Variants in FSTL4 observed in about 807,000 individuals in gnomAD.
FSTL4 encodes the protein follistatin like 4.
A neutral mutation model predicts 78.2 loss-of-function variants in FSTL4; 28 were observed. The ratio of observed to expected loss-of-function variants is 0.36; its 90% CI spans 0.27 to 0.49. The LOEUF is 0.49. Among genes scored for constraint, FSTL4 ranks in the 20% least tolerant of loss-of-function variants. FSTL4 has a pLI of 0.98. For synonymous variants in FSTL4, 422 were observed against 440.5 expected, an observed-to-expected ratio of 0.96 and a Z score of 0.53; for missense variants, 922 against 1,084.9, an observed-to-expected ratio of 0.85 and a Z score of 2.11.
At chr5:133,230,380 G>A (rs1581549387) in intron 8 of FSTL4, among the ~76,000 whole-genome samples, 1 of 152,152 alleles carries the variant, frequency 6.6e-6, no homozygotes, top group Admixed American at 6.5e-5. Flanking sequence ...GACCAATTCA[G>A]GGCTAATTTT....
At chr5:133,274,423 T>C (rs1752834168) in intron 6 of FSTL4, among the ~76,000 whole-genome samples, 1 of 76,826 alleles carries the variant, frequency 1.3e-5, no homozygotes, top group African/African-American at 5.6e-5. Context: ...AAAAGGAAAA[T>C]TAAATTAGCA....
the FSTL4 span, among the ~76,000 whole-genome samples, chr5:133,735,111 C>T: frequency 3.3e-5 from 5 of 152,128 alleles, no homozygotes; most frequent in Admixed American, 2.0e-4. Flanking sequence ...GAAGGGAGTC[C>T]CCTGGCAAGC....
the FSTL4 span, among the ~76,000 whole-genome samples, chr5:133,822,811 A>T: frequency 5.6e-4 from 86 of 152,344 alleles, 1 homozygote; most frequent in African/African-American, 2.0e-3. Context: ...ACCAAAAAAC[A>T]AAGAGTAGAG....
chr5:133,421,457 T>C (rs1756693574), intron 3 of FSTL4, among the ~76,000 whole-genome samples: 1 of 152,258 alleles, frequency 6.6e-6, no homozygotes, highest in Non-Finnish European at 1.5e-5. Flanking sequence ...GCTGTCTGTA[T>C]ACTTTCCCTT....
chr5:133,490,216 A>G (rs1477012237), intron 3 of FSTL4, among the ~76,000 whole-genome samples: 1 of 151,920 alleles, frequency 6.6e-6, no homozygotes, highest in African/African-American at 2.4e-5. Context: ...GGTGTCACAG[A>G]GTACTAGTAG....
Position 133,400,882 on chromosome 5 carries a change from A to C in FSTL4, c.265T>G (p.Cys89Gly). Residue 89 changes from cysteine (C) to glycine (G), a missense_variant, in exon 4 of 16, where the codon TGC becomes GGC. Transcript: ENST00000265342. ...TAGCTGGGCCTGCATGCCTCCAGGC[A>C]CTGGCATTCGGGCTCCCCTGTCTTC... The part of the protein sequence containing the change: ...SRKTGEPECQ[C>G]LEACRPSYVP... 1 of 1,613,886 alleles carries C rather than the reference A, an allele frequency of 6.2e-7. No individual in the cohort carries two copies. The highest frequency in any genetic ancestry group is 8.5e-7 in the Non-Finnish European group (1 of 1,180,036).
rs894313090 is a variant in FSTL4 at position 133,249,414 on chromosome 5, A to G, written c.890T>C (p.Ile297Thr). 4 of 1,613,294 alleles carry G rather than the reference A, an allele frequency of 2.5e-6. No individual in the cohort carries two copies. In the African/African-American group the frequency reaches 5.3e-5, roughly 22 times the overall value. Reference sequence around the variant, plus strand: ...AGTGAATTCCAGGTGACTTACATTGATGTCTTCCAAGTCCAGGAAGTTCAG... The same window carrying G: ...AGTGAATTCCAGGTGACTTACATTGGTGTCTTCCAAGTCCAGGAAGTTCAG... ...LTLNFLDLED[I>T]NDFGEDDSLY... Residue 297 changes from isoleucine (I) to threonine (T), a missense_variant, in exon 7 of 16, where the codon ATC (isoleucine) becomes ACC (threonine). Coordinates refer to ENST00000265342, the MANE Select transcript of FSTL4 (RefSeq NM_015082.2).
At position 133,384,938 on chromosome 5, in the gene FSTL4, GA is replaced by G. The variant is rs201689896; in HGVS notation, c.409+15799del. Among the ~76,000 whole-genome samples the G allele has an allele frequency of 8.6e-3, 1,310 of 152,282 alleles. 14 individuals carry two copies. Among genetic ancestry groups the G allele is most frequent in the African/African-American group, 0.029 (1,220 of 41,538 alleles). On this transcript the variant is annotated intron_variant, in intron 4 of 15. Transcript: ENST00000265342. ...GCTTCATATCCTAACCCTTGGCCTAGAAGACTCCCCTCCTCTTTCTCTAACC... is the reference window on the plus strand; with the variant it reads ...GCTTCATATCCTAACCCTTGGCCTAGAGACTCCCCTCCTCTTTCTCTAACC...
intron 7 of FSTL4, among the ~76,000 whole-genome samples, chr5:133,238,137 A>G (rs1190527189): frequency 3.9e-5 from 6 of 152,190 alleles, no homozygotes; most frequent in Admixed American, 3.9e-4. Context: ...TCAGGTATAT[A>G]TGGAAATGAG....
chr5:133,755,842 T>C, the FSTL4 span, among the ~76,000 whole-genome samples: 1 of 152,234 alleles, frequency 6.6e-6, no homozygotes, highest in African/African-American at 2.4e-5. Flanking sequence ...CATCAAACTG[T>C]GTTCAGCCCA....
chr5:133,396,819 A>C (rs1007736990), intron 4 of FSTL4, among the ~76,000 whole-genome samples: 3 of 152,234 alleles, frequency 2.0e-5, no homozygotes, highest in Non-Finnish European at 4.4e-5. Flanking sequence ...CTTAGTAACA[A>C]GTAAGAAAAA....
the FSTL4 span, among the ~76,000 whole-genome samples, chr5:133,643,633 G>A: frequency 6.6e-6 from 1 of 152,206 alleles, no homozygotes; most frequent in East Asian, 1.9e-4. Context: ...CACCAAGCAG[G>A]TCATCCACCC....
At chr5:133,296,137 C>T (rs903016690) in intron 6 of FSTL4, among the ~76,000 whole-genome samples, 2 of 152,216 alleles carry the variant, frequency 1.3e-5, no homozygotes, top group Admixed American at 1.3e-4. Flanking sequence ...ATGGCAACTC[C>T]ATCCTTCCAG....
At chr5:133,204,186 C>T (rs1332963557) in intron 14 of FSTL4, among the ~76,000 whole-genome samples, 3 of 152,106 alleles carry the variant, frequency 2.0e-5, no homozygotes, top group Non-Finnish European at 4.4e-5. Context: ...GGCTGGGAGG[C>T]AGCTAAAAGC....
chr5:133,824,673 C>A, the FSTL4 span, among the ~76,000 whole-genome samples: 2 of 152,184 alleles, frequency 1.3e-5, no homozygotes, highest in Non-Finnish European at 2.9e-5. Context: ...ACTGGAAGCA[C>A]CTGCTTGTGT....
the FSTL4 span, among the ~76,000 whole-genome samples, chr5:133,841,222 T>C: frequency 6.6e-6 from 1 of 152,198 alleles, no homozygotes; most frequent in Non-Finnish European, 1.5e-5. Context: ...TAAGATCAAC[T>C]GGCCTGGGAA....
At chr5:133,738,659 A>G in the FSTL4 span, among the ~76,000 whole-genome samples, 8 of 151,968 alleles carry the variant, frequency 5.3e-5, no homozygotes, top group Non-Finnish European at 7.4e-5. Flanking sequence ...CTTGCTTGCC[A>G]CCTCGTTTAT....
chr5:133,763,286 G>A, the FSTL4 span, among the ~76,000 whole-genome samples: 8 of 152,346 alleles, frequency 5.3e-5, no homozygotes, highest in South Asian at 1.4e-3. Context: ...TCCATTGAGA[G>A]TATGTTAAGC....
intron 3 of FSTL4, among the ~76,000 whole-genome samples, chr5:133,490,543 C>G (rs1758247601): frequency 6.6e-6 from 1 of 152,122 alleles, no homozygotes; most frequent in Admixed American, 6.6e-5. Context: ...CCAAGTATTG[C>G]TTTAGCAGCA....
Sources: gnomAD v4.1 joint callset for allele counts (sites outside exome capture counted in the v4.1 genomes callset) on GRCh38, gnomAD v4.1.1 for gene constraint, MANE v1.5 for transcripts, NCBI Gene and HGNC (gene_info 2026-07-23, HGNC 2026-07-21) for gene names.